HELT: variants seen among roughly 807,000 people sequenced by gnomAD.
HELT encodes the protein helt bHLH transcription factor.
Under a neutral mutation model 19.5 loss-of-function variants are expected in HELT, and 9 were observed. The ratio of observed to expected loss-of-function variants is 0.46; its 90% CI spans 0.28 to 0.80. The LOEUF (loss-of-function observed/expected upper bound fraction) is 0.80, where lower values mean the gene tolerates loss of function less well. HELT is among the 30% of genes least tolerant of loss of function. HELT has a pLI of 0.12. For missense variants in HELT, 366 were observed against 326.3 expected, an observed-to-expected ratio of 1.12 and a Z score of -0.94; for synonymous variants, 162 against 148.3, an observed-to-expected ratio of 1.09 and a Z score of -0.67.
At position 185,018,958 on chromosome 4, in the gene HELT, G is replaced by A; in HGVS notation, c.27+3G>A. On this transcript the variant is annotated splice_donor_region_variant and intron_variant, in intron 1 of 3. Coordinates refer to ENST00000515777, the MANE Select transcript of HELT (RefSeq NM_001300781.2). Reference sequence around the variant, plus strand: ...CAGACAAGCTCAAGGAACGCAAAGTGAGTCGGCTGAGCCCAAATGGCACTT... The same window carrying A: ...CAGACAAGCTCAAGGAACGCAAAGTAAGTCGGCTGAGCCCAAATGGCACTT... The A allele has an allele frequency of 1.2e-6, 2 of 1,612,708 alleles. No individual in the cohort carries two copies. Among genetic ancestry groups the A allele is most frequent in the Non-Finnish European group, 1.7e-6 (2 of 1,179,128 alleles).
intron 1 of HELT, 135 bp from the exon 2 acceptor site, chr4:185,019,252 G>T (rs1049139720): frequency 1.8e-6 from 2 of 1,131,590 alleles, no homozygotes; most frequent in Non-Finnish European, 2.5e-6. Flanking sequence ...AGCGTGGCGG[G>T]CCAGGAGTCC....
At chr4:185,019,347 C>A (rs1193053517) in intron 1 of HELT, 40 bp from the exon 2 acceptor site, 5 of 1,534,014 alleles carry the variant, frequency 3.3e-6, no homozygotes, top group African/African-American at 2.7e-5. Flanking sequence ...GACGACTTCC[C>A]GGGCAAAGCC....
At position 185,020,597 on chromosome 4, in the gene HELT, G is replaced by T; in HGVS notation, c.554G>T (p.Ser185Ile). 6.3e-7 allele frequency: 1 copy of T among 1,595,174 alleles called. No homozygotes were observed. Among genetic ancestry groups the T allele is most frequent in the East Asian group, 2.2e-5 (1 of 44,586 alleles). Residue 185 changes from serine to isoleucine, a missense_variant, in exon 4 of 4, where the codon AGC becomes ATC. By Grantham distance (142) the Ser-to-Ile change is moderately radical. Transcript: ENST00000515777. Reference sequence around the variant, plus strand: ...CCCTGGCCGCCTGGCGCGGCCCGCAGCCCCGCGCTGCCCTACCTGCCCAGC... The same window carrying T: ...CCCTGGCCGCCTGGCGCGGCCCGCATCCCCGCGCTGCCCTACCTGCCCAGC... The part of the protein sequence containing the change: ...PFPWPPGAAR[S>I]PALPYLPSAP...
At position 185,020,346 on chromosome 4, in the gene HELT, C is replaced by T; in HGVS notation, c.303C>T (p.Tyr101=). 6.2e-7 allele frequency: 1 copy of T among 1,614,230 alleles called. No homozygotes were observed. Among genetic ancestry groups the T allele is most frequent in the Non-Finnish European group, 8.5e-7 (1 of 1,180,042 alleles). Residue 101 remains tyrosine (Y), a synonymous_variant, in exon 4 of 4, where the codon TAC becomes TAT. Transcript: ENST00000515777. ...YHECMKNLVH[Y]LTTVERMETK... ...AGTGCATGAAGAACCTGGTGCATTA[C>T]CTCACCACGGTGGAGCGGATGGAGA... is the stretch of plus-strand genomic sequence containing the variant.
rs1350255059 is a variant in HELT at position 185,019,413 on chromosome 4, A to G, written c.54A>G (p.Ile18Met). 3 of 1,612,970 alleles carry G rather than the reference A, an allele frequency of 1.9e-6. No individual in the cohort carries two copies. The highest frequency in any genetic ancestry group is 2.5e-6 in the Non-Finnish European group (3 of 1,179,478). ...RKRTPVSHKV[I>M]EKRRRDRINR... is the part of the protein sequence containing the mutation. ...GAACCCCCGTTTCTCATAAAGTGATAGAAAAGCGGAGGAGGGACAGGATCA... is the reference window on the plus strand; with the variant it reads ...GAACCCCCGTTTCTCATAAAGTGATGGAAAAGCGGAGGAGGGACAGGATCA... The change falls in exon 2 of 4, where the codon ATA becomes ATG. Residue 18 changes from isoleucine (I) to methionine (M), a missense_variant. Ile to Met is a conservative substitution (Grantham distance 10). Transcript: ENST00000515777.
In HELT at chr4:185,020,147, G is replaced by A. The variant is rs562248362; in HGVS notation, c.230-126G>A. 592 of 1,370,942 alleles carry A rather than the reference G, an allele frequency of 4.3e-4. 7 individuals carry two copies. In the South Asian group the frequency reaches 6.2e-3, roughly 14 times the overall value. The allele number at this position is 1,370,942 out of a possible 1,614,324, so 84.9% of individuals were successfully genotyped here. A position where few individuals can be genotyped will look rare whatever the true frequency, so the allele number is the denominator to read the frequency against. On this transcript the variant is annotated intron_variant, in intron 3 of 3. Coordinates refer to ENST00000515777, the MANE Select transcript of HELT (RefSeq NM_001300781.2). ...AGTCTCTAAGACTGCGCAGAGGAGA[G>A]GGCGGGCCTCAAATGGGAACTTTGG...
intron 3 of HELT, 77 bp from the exon 4 acceptor site, chr4:185,020,196 C>A: frequency 6.4e-7 from 1 of 1,559,474 alleles, no homozygotes; most frequent in Admixed American, 1.7e-5. Flanking sequence ...TGGGAGGTGC[C>A]CTGCACCCGC....
chr4:185,019,869 G>C (rs1286728432), intron 3 of HELT, 26 bp downstream of exon 3: 9 of 1,594,532 alleles, frequency 5.6e-6, no homozygotes, highest in East Asian at 4.5e-5. Context: ...GGAATGGGAC[G>C]CCTGGGCCAG....
intron 2 of HELT, 128 bp downstream of exon 2, chr4:185,019,619 C>T: frequency 6.3e-7 from 1 of 1,593,534 alleles, no homozygotes. Flanking sequence ...GGGGCCTGAG[C>T]GCAGGGCGAA....
Position 185,020,269 on chromosome 4 carries a change from C to T in HELT, c.230-4C>T, listed in dbSNP as rs1734031730. 1.2e-6 allele frequency: 2 copies of T among 1,611,374 alleles called. No homozygotes were observed. Among genetic ancestry groups the T allele is most frequent in the Non-Finnish European group, 1.7e-6 (2 of 1,178,070 alleles). On this transcript the variant is annotated splice_region_variant and splice_polypyrimidine_tract_variant and intron_variant, in intron 3 of 3. Transcript: ENST00000515777. ...CCGTCCTACGGGCTTTCTCGTTCCT[C>T]CAGCAGAACTTCTAGCGGAGTTTGC...
chr4:185,019,411 A>G lies in HELT; in HGVS notation c.52A>G (p.Ile18Val), dbSNP rs1192474604. 3 of 1,613,032 alleles carry G rather than the reference A, an allele frequency of 1.9e-6. No homozygotes were observed. The highest frequency in any genetic ancestry group is 2.5e-6 in the Non-Finnish European group (3 of 1,179,442). Residue 18 changes from isoleucine (I) to valine (V), a missense_variant, in exon 2 of 4, where the codon ATA becomes GTA. Physicochemically the swap from Ile to Val is conservative, Grantham distance 29 (BLOSUM62 3). Coordinates refer to ENST00000515777, the MANE Select transcript of HELT (RefSeq NM_001300781.2). ...GAGAACCCCCGTTTCTCATAAAGTG[A>G]TAGAAAAGCGGAGGAGGGACAGGAT... ...RKRTPVSHKV[I>V]EKRRRDRINR...
Position 185,020,761 on chromosome 4 carries a change from C to G in HELT, c.718C>G (p.Pro240Ala). 1.4e-5 allele frequency: 21 copies of G among 1,528,414 alleles called. No individual in the cohort carries two copies. Among genetic ancestry groups the G allele is most frequent in the Non-Finnish European group, 1.8e-5 (21 of 1,145,720 alleles). 94.7% of individuals were successfully genotyped at this position (1,528,414 alleles called of 1,614,324 possible). Reference sequence around the variant, plus strand: ...TAACCTGCACACGCCCCAGCACCCCCCGGTGCTCTGACGCCCACTCGCCCG... The same window carrying G: ...TAACCTGCACACGCCCCAGCACCCCGCGGTGCTCTGACGCCCACTCGCCCG... ...ALNLHTPQHP[P>A]VL is the part of the protein sequence containing the mutation. The change falls in exon 4 of 4, where the codon CCG becomes GCG. Residue 240 changes from proline (P) to alanine (A), a missense_variant. Pro to Ala is a conservative substitution (Grantham distance 27, BLOSUM62 -1). Coordinates refer to ENST00000515777, the MANE Select transcript of HELT (RefSeq NM_001300781.2).
At chr4:185,019,146 T>C in intron 1 of HELT, 191 bp downstream of exon 1, 1 of 1,537,732 alleles carries the variant, frequency 6.5e-7, no homozygotes, top group Non-Finnish European at 8.8e-7. Flanking sequence ...AAGTCCTGCC[T>C]GGAGGCTGGC....
At position 185,018,807 on chromosome 4, in the gene HELT, TA is replaced by T; in HGVS notation, c.-120del. 9.9e-7 allele frequency: 1 copy of T among 1,006,950 alleles called. No individual in the cohort carries two copies. The highest frequency in any genetic ancestry group is 1.4e-6 in the Non-Finnish European group (1 of 692,182). 62.4% of individuals were successfully genotyped at this position (1,006,950 alleles called of 1,614,324 possible). A position where few individuals can be genotyped will look rare whatever the true frequency, so the allele number is the denominator to read the frequency against. ...TCTGGAGCCCTAGATGACCGCTTTA[TA>T]AGGCAGCCCTCGGAGTTGGGAGGCT... On this transcript the variant is annotated 5_prime_UTR_variant, in exon 1 of 4. It removes the in-frame stop codon of an upstream open reading frame in the 5' UTR. Transcript: ENST00000515777.
Position 185,020,470 on chromosome 4 carries a change from C to T in HELT, c.427C>T (p.Pro143Ser). The change falls in exon 4 of 4, where the codon CCG becomes TCG. Residue 143 changes from proline to serine, a missense_variant. Pro to Ser is a moderately conservative substitution (Grantham distance 74). Transcript: ENST00000515777. ...AFPPLGSLPEPDFSYQLHPAG... is the reference protein window; with the variant it reads ...AFPPLGSLPESDFSYQLHPAG... Reference sequence around the variant, plus strand: ...TCCGCCGCTGGGTTCGCTCCCGGAGCCGGATTTCTCCTATCAGCTGCACCC... The same window carrying T: ...TCCGCCGCTGGGTTCGCTCCCGGAGTCGGATTTCTCCTATCAGCTGCACCC... The T allele has an allele frequency of 6.2e-7, 1 of 1,613,832 alleles. No homozygotes were observed. The highest frequency in any genetic ancestry group is 8.5e-7 in the Non-Finnish European group (1 of 1,180,012).
Position 185,020,426 on chromosome 4 carries a change from T to C in HELT, c.383T>C (p.Leu128Pro). ...GCCTTCTTGCAGTCCAAGGCCCGCC[T>C]GGGCGCGGAGCCCGCCTTTCCGCCG... ...ILAFLQSKARLGAEPAFPPLG... is the reference protein window; with the variant it reads ...ILAFLQSKARPGAEPAFPPLG... The change falls in exon 4 of 4, where the codon CTG becomes CCG. Residue 128 changes from leucine (L) to proline (P), a missense_variant. By Grantham distance (98) the Leu-to-Pro change is moderately conservative. Transcript: ENST00000515777. 6.2e-7 allele frequency: 1 copy of C among 1,614,148 alleles called. No individual in the cohort carries two copies. The highest frequency in any genetic ancestry group is 8.5e-7 in the Non-Finnish European group (1 of 1,180,050).
chr4:185,019,162 C>A (rs1436727008), intron 1 of HELT: 6 of 1,511,982 alleles, frequency 4.0e-6, no homozygotes, highest in Non-Finnish European at 4.5e-6. Flanking sequence ...CTGGCGGCCA[C>A]CTCCCCAAAG....
At chr4:185,019,173 G>C (rs550786291) in intron 1 of HELT, 47 of 1,476,658 alleles carry the variant, frequency 3.2e-5, no homozygotes, top group East Asian at 2.8e-4. Flanking sequence ...CTCCCCAAAG[G>C]CCTGGGTAGG....
In HELT at chr4:185,018,870, C is replaced by A. The variant is rs1030410399; in HGVS notation, c.-59C>A. 18 of 1,529,786 alleles carry A rather than the reference C, an allele frequency of 1.2e-5. No individual in the cohort carries two copies. Among genetic ancestry groups the A allele is most frequent in the Non-Finnish European group, 1.3e-5 (15 of 1,130,376 alleles). 94.8% of individuals were successfully genotyped at this position (1,529,786 alleles called of 1,614,324 possible). ...GGGACACTCGAGGAGGCACACGAGGCGGAAAAGTGGACGGGTGCCCCGCGC... is the reference window on the plus strand; with the variant it reads ...GGGACACTCGAGGAGGCACACGAGGAGGAAAAGTGGACGGGTGCCCCGCGC... On this transcript the variant is annotated 5_prime_UTR_variant, in exon 1 of 4. Transcript: ENST00000515777.
Sources: allele counts gnomAD v4.1 joint callset, GRCh38; gene constraint gnomAD v4.1.1; transcripts MANE v1.5; gene names NCBI Gene and HGNC (gene_info 2026-07-23, HGNC 2026-07-21).